Variants in NYAP2 observed in about 807,000 individuals in gnomAD.
NYAP2 encodes the protein neuronal tyrosine-phosphorylated phosphoinositide-3-kinase adaptor 2.
Under a neutral mutation model 50.4 loss-of-function variants are expected in NYAP2, and 23 were observed. That is an observed-to-expected ratio of 0.46 (90% CI 0.33 to 0.65). The LOEUF is 0.65. NYAP2 is among the 30% of genes least tolerant of loss of function. NYAP2 has a pLI of 0.02. For missense variants in NYAP2, 885 were observed against 861.0 expected (o/e 1.03, Z -0.35); for synonymous variants, 394 against 365.2 (o/e 1.08, Z -0.90).
chr2:225,525,415 T>A (rs1297409468), intron 4 of NYAP2, among the ~76,000 whole-genome samples: 1 of 152,154 alleles, frequency 6.6e-6, no homozygotes, highest in Non-Finnish European at 1.5e-5. Flanking sequence ...AGCATACACA[T>A]ACAAATGGAT....
chr2:225,411,639 G>A (rs1046697787), intron 3 of NYAP2, among the ~76,000 whole-genome samples: 1 of 152,018 alleles, frequency 6.6e-6, no homozygotes, highest in African/African-American at 2.4e-5. Context: ...GCCCCCTGGA[G>A]GCACCTGATT....
At chr2:225,491,273 T>G (rs1460427019) in intron 3 of NYAP2, among the ~76,000 whole-genome samples, 1 of 152,254 alleles carries the variant, frequency 6.6e-6, no homozygotes, top group African/African-American at 2.4e-5. Flanking sequence ...TTGAACAACT[T>G]GCTCTTTAAG....
chr2:225,512,852 T>TTC (rs1690852275), intron 3 of NYAP2, among the ~76,000 whole-genome samples: 95 of 123,666 alleles, frequency 7.7e-4, no homozygotes, highest in South Asian at 4.4e-3. Flanking sequence ...TTTCTTTCTT[T>TTC]CTTCCTTCCT....
intron 4 of NYAP2, among the ~76,000 whole-genome samples, chr2:225,518,928 G>C: frequency 6.6e-6 from 1 of 152,012 alleles, no homozygotes; most frequent in East Asian, 1.9e-4. Context: ...TGAGGCAGGA[G>C]AATTGCTTGA....
chr2:225,663,946 G>C, the NYAP2 span, among the ~76,000 whole-genome samples: 5 of 152,114 alleles, frequency 3.3e-5, no homozygotes, highest in South Asian at 1.0e-3. Flanking sequence ...CTTGACTCCT[G>C]GCAAACTATT....
At chr2:225,560,448 C>A (rs542899667) in intron 4 of NYAP2, among the ~76,000 whole-genome samples, 1 of 152,178 alleles carries the variant, frequency 6.6e-6, no homozygotes, top group South Asian at 2.1e-4. Flanking sequence ...CCTGCAAGTA[C>A]AATCTTCCAG....
At chr2:225,488,800 A>G (rs1690349975) in intron 3 of NYAP2, among the ~76,000 whole-genome samples, 1 of 152,198 alleles carries the variant, frequency 6.6e-6, no homozygotes, top group Non-Finnish European at 1.5e-5. Context: ...GACAGACTTT[A>G]GACAGTTTTC....
intron 4 of NYAP2, among the ~76,000 whole-genome samples, chr2:225,540,774 C>T (rs1327647121): frequency 6.6e-6 from 1 of 152,124 alleles, no homozygotes; most frequent in Non-Finnish European, 1.5e-5. Flanking sequence ...CTTTGACATA[C>T]TGATTTCTAT....
At chr2:225,565,229 C>G (rs1691941808) in intron 4 of NYAP2, among the ~76,000 whole-genome samples, 1 of 151,974 alleles carries the variant, frequency 6.6e-6, no homozygotes, top group Non-Finnish European at 1.5e-5. Context: ...TTTAGTTGCA[C>G]CTTCAATTAA....
chr2:225,410,347 A>G (rs1295530954), intron 3 of NYAP2, among the ~76,000 whole-genome samples: 1 of 152,056 alleles, frequency 6.6e-6, no homozygotes, highest in Non-Finnish European at 1.5e-5. Flanking sequence ...GTTGTTGAGG[A>G]CTATGTTATT....
In NYAP2 at chr2:225,479,385, C is replaced by T. The variant is rs146349830; in HGVS notation, c.222-33986C>T. The stretch of plus-strand genomic sequence containing the variant: ...CTCAGTGAATTAGATTATGCCAACA[C>T]GATCTACTTATTAAGTGAATCTCAG... On this transcript the variant is annotated intron_variant, in intron 3 of 6. Coordinates refer to ENST00000636099, the Ensembl canonical transcript of NYAP2. Among the ~76,000 whole-genome samples, 397 of 152,186 alleles carry T rather than the reference C, an allele frequency of 2.6e-3. 1 individual carries two copies. Among genetic ancestry groups the T allele is most frequent in the Middle Eastern group, 0.01 (3 of 294 alleles).
At chr2:225,462,201 C>A (rs1270489949) in intron 3 of NYAP2, among the ~76,000 whole-genome samples, 1 of 152,104 alleles carries the variant, frequency 6.6e-6, no homozygotes. Context: ...AAATATATTT[C>A]TGTAAATATT....
chr2:225,621,112 CAAAAAA>C (rs35570419), intron 5 of NYAP2, among the ~76,000 whole-genome samples: 1 of 98,484 alleles, frequency 1.0e-5, no homozygotes, highest in East Asian at 3.0e-4. Flanking sequence ...GACTCCGTCT[CAAAAAA>C]AAAAAAAAAA....
intron 4 of NYAP2, among the ~76,000 whole-genome samples, chr2:225,564,749 T>C (rs1230693449): frequency 6.6e-6 from 1 of 151,864 alleles, no homozygotes; most frequent in Admixed American, 6.6e-5. Context: ...TTTTTAGAAA[T>C]ATTCTCTATT....
At chr2:225,472,800 CT>C (rs929988332) in intron 3 of NYAP2, among the ~76,000 whole-genome samples, 6 of 151,370 alleles carry the variant, frequency 4.0e-5, no homozygotes, top group East Asian at 1.9e-4. Context: ...CTTTGATTTT[CT>C]TTTTTTTCTT....
chr2:225,554,685 G>A (rs1195834837), intron 4 of NYAP2, among the ~76,000 whole-genome samples: 2 of 152,078 alleles, frequency 1.3e-5, no homozygotes, highest in African/African-American at 2.4e-5. Flanking sequence ...GGGATTGGGG[G>A]AGGGGCAAAG....
intron 5 of NYAP2, among the ~76,000 whole-genome samples, chr2:225,587,451 A>T (rs1692407776): frequency 6.6e-6 from 1 of 152,170 alleles, no homozygotes; most frequent in African/African-American, 2.4e-5. Context: ...CCGGGGCAGA[A>T]GGGCATGTGA....
intron 3 of NYAP2, among the ~76,000 whole-genome samples, chr2:225,489,058 G>A (rs889174478): frequency 2.0e-5 from 3 of 152,120 alleles, no homozygotes; most frequent in African/African-American, 7.2e-5. Flanking sequence ...GATGTCAATG[G>A]TCAACTGAAA....
intron 6 of NYAP2, among the ~76,000 whole-genome samples, chr2:225,637,575 C>T (rs1693443202): frequency 6.6e-6 from 1 of 152,178 alleles, no homozygotes; most frequent in African/African-American, 2.4e-5. Context: ...CGTTTTCTCA[C>T]TCTGCAGTTT....
Sources: gnomAD v4.1 joint callset for allele counts (sites outside exome capture counted in the v4.1 genomes callset) on GRCh38, gnomAD v4.1.1 for gene constraint, MANE v1.5 for transcripts, NCBI Gene and HGNC (gene_info 2026-07-23, HGNC 2026-07-21) for gene names.